Variants in DENND2B observed in about 807,000 individuals in gnomAD.
DENND2B encodes the protein DENN domain-containing protein 2B.
Under a neutral mutation model 116.0 loss-of-function variants are expected in DENND2B, and 32 were observed. The ratio of observed to expected loss-of-function variants is 0.28; its 90% confidence interval spans 0.21 to 0.37. DENND2B has a LOEUF of 0.37. Among genes scored for constraint, DENND2B ranks in the 10% least tolerant of loss-of-function variants. The pLI is 1.00. For synonymous variants in DENND2B, 588 were observed against 583.9 expected (o/e 1.01, Z -0.10); for missense variants, 1,276 against 1,477.7 (o/e 0.86, Z 2.24).
At chr11:8,700,338 T>TG (rs2041320417) in intron 14 of DENND2B, among the ~76,000 whole-genome samples, 2 of 152,174 alleles carry the variant, frequency 1.3e-5, no homozygotes. Flanking sequence ...CACCTAGAAG[T>TG]GTGAGACACA....
intron 4 of DENND2B, among the ~76,000 whole-genome samples, chr11:8,723,561 TGTTA>T (rs1355871792): frequency 6.6e-6 from 1 of 152,158 alleles, no homozygotes. Flanking sequence ...CACTCTGGGA[TGTTA>T]GTCTTGCATA....
intron 17 of DENND2B, 107 bp from the exon 18 acceptor site, chr11:8,696,773 C>A (rs1054564315): frequency 6.7e-7 from 1 of 1,497,370 alleles, no homozygotes; most frequent in East Asian, 2.3e-5. Flanking sequence ...CCAGCCAGTA[C>A]CACTCTTCTG....
At chr11:8,873,803 C>T (rs1485264195), upstream of DENND2B, among the ~76,000 whole-genome samples, 2 of 152,188 alleles carry the variant, frequency 1.3e-5, no homozygotes, top group East Asian at 3.8e-4. Flanking sequence ...AAACACTCCT[C>T]ATAAGGTTAC....
intron 2 of DENND2B, among the ~76,000 whole-genome samples, 154 bp from the exon 3 acceptor site, chr11:8,731,363 G>T (rs1321674347): frequency 6.6e-6 from 1 of 152,226 alleles, no homozygotes; most frequent in African/African-American, 2.4e-5. Flanking sequence ...CTTGAAGGCT[G>T]TCTTCAAGGA....
chr11:8,777,504 G>C (rs968869669), intron 1 of DENND2B, among the ~76,000 whole-genome samples: 4 of 152,156 alleles, frequency 2.6e-5, no homozygotes, highest in African/African-American at 9.7e-5. Flanking sequence ...CCTCCTGTTG[G>C]ACATTCCTTA....
chr11:8,775,026 G>T (rs1372758359), intron 1 of DENND2B, among the ~76,000 whole-genome samples: 1 of 151,864 alleles, frequency 6.6e-6, no homozygotes, highest in African/African-American at 2.4e-5. Context: ...GATTACAGGG[G>T]CCCACCAACA....
chr11:8,813,063 T>A (rs191581522), upstream of DENND2B, among the ~76,000 whole-genome samples: 505 of 152,272 alleles, frequency 3.3e-3, 3 homozygotes, highest in South Asian at 7.1e-3. Flanking sequence ...GGATTATAGG[T>A]GTGTACTACC....
rs563037234 is a variant in DENND2B, at chr11:8,860,303, T to A, written c.-249-2867A>T. The stretch of plus-strand genomic sequence containing the variant: ...CACTTAGAAAACCCTAAAAGATGCC[T>A]AGATCCTCCAAAAGACTCCTAGATT... On this transcript the variant is annotated intron_variant, in intron 2 of 6. Transcript: ENST00000524757. 3.2e-3 allele frequency among the ~76,000 whole-genome samples: 492 copies of A among 151,440 alleles called. 2 individuals carry two copies. Among genetic ancestry groups the A allele is most frequent in the African/African-American group, 0.012 (478 of 41,228 alleles).
At chr11:8,840,080 G>A (rs1249099152) in intron 3 of DENND2B, among the ~76,000 whole-genome samples, 2 of 151,936 alleles carry the variant, frequency 1.3e-5, no homozygotes, top group African/African-American at 4.8e-5. Flanking sequence ...CTGGAAGCAG[G>A]GAAATCCCCC....
chr11:8,803,309 C>G (rs551439736), intron 1 of DENND2B, among the ~76,000 whole-genome samples: 2 of 152,170 alleles, frequency 1.3e-5, no homozygotes, highest in South Asian at 4.1e-4. Flanking sequence ...CGCTAGAACC[C>G]GGGAGGTGGA....
In DENND2B at chr11:8,866,149, C is replaced by T. The variant is rs188728774; in HGVS notation, c.-250+4805G>A. On this transcript the variant is annotated intron_variant, in intron 2 of 6. Coordinates refer to the DENND2B transcript ENST00000524757. The stretch of plus-strand genomic sequence containing the variant: ...TAATTTTTTGTATTTTTAGTAGAGA[C>T]GGGGTTTCACCGTGTTAGCCAGGAT... 2.4e-4 allele frequency among the ~76,000 whole-genome samples: 37 copies of T among 152,058 alleles called. 1 individual carries two copies. Among genetic ancestry groups the T allele is most frequent in the African/African-American group, 8.9e-4 (37 of 41,492 alleles).
chr11:8,782,053 T>C (rs2058430137), intron 1 of DENND2B, among the ~76,000 whole-genome samples: 1 of 152,158 alleles, frequency 6.6e-6, no homozygotes, highest in Non-Finnish European at 1.5e-5. Context: ...CCCCACCACA[T>C]CACTTCCATT....
intron 2 of DENND2B, among the ~76,000 whole-genome samples, chr11:8,862,841 C>T (rs974724711): frequency 5.3e-5 from 8 of 152,062 alleles, no homozygotes; most frequent in Admixed American, 5.2e-4. Context: ...CTCCAGGGAC[C>T]AGAAATAGTG....
intron 4 of DENND2B, among the ~76,000 whole-genome samples, chr11:8,827,545 G>A (rs912942344): frequency 6.6e-6 from 1 of 152,200 alleles, no homozygotes; most frequent in Non-Finnish European, 1.5e-5. Context: ...TGCATACTCT[G>A]GGAAAATTTG....
intron 1 of DENND2B, among the ~76,000 whole-genome samples, chr11:8,778,119 G>A (rs1046831064): frequency 5.9e-5 from 9 of 152,150 alleles, no homozygotes; most frequent in African/African-American, 2.2e-4. Flanking sequence ...GAGCACTAAC[G>A]GGGATCAATG....
At chr11:8,866,149 C>G (rs188728774) in intron 2 of DENND2B, among the ~76,000 whole-genome samples, 3,062 of 152,044 alleles carry the variant, frequency 0.02, 40 homozygotes, top group Middle Eastern at 0.034. Context: ...TTAGTAGAGA[C>G]GGGGTTTCAC....
At chr11:8,774,656 A>G (rs745623038) in intron 1 of DENND2B, among the ~76,000 whole-genome samples, 1 of 152,080 alleles carries the variant, frequency 6.6e-6, no homozygotes, top group Non-Finnish European at 1.5e-5. Context: ...CTACAAATCC[A>G]CAAGTCAAGG....
intron 3 of DENND2B, among the ~76,000 whole-genome samples, chr11:8,728,223 G>A (rs938766336): frequency 2.0e-5 from 3 of 151,972 alleles, no homozygotes; most frequent in East Asian, 1.9e-4. Context: ...AGGCTGTCTC[G>A]AACTCCTGGT....
intron 1 of DENND2B, among the ~76,000 whole-genome samples, chr11:8,753,625 A>G (rs1428670321): frequency 6.6e-6 from 1 of 150,976 alleles, no homozygotes; most frequent in Non-Finnish European, 1.5e-5. Context: ...AAAGATGAAC[A>G]AAGTTAGAAG....
Sources: gnomAD v4.1 joint callset for allele counts (sites outside exome capture counted in the v4.1 genomes callset) on GRCh38, gnomAD v4.1.1 for gene constraint, MANE v1.5 for transcripts, NCBI Gene and HGNC (gene_info 2026-07-23, HGNC 2026-07-21) for gene names.